The following HTR4 variants were observed in gnomAD, a reference collection of about 807,000 sequenced individuals.
HTR4 encodes the protein 5-hydroxytryptamine receptor 4, also known as 5-hydroxytryptamine (serotonin) receptor 4, G protein-coupled.
HTR4 carries 16 observed loss-of-function variants against 36.8 expected under a neutral mutation model. The ratio of observed to expected loss-of-function variants is 0.43; its 90% CI spans 0.29 to 0.66. HTR4 has a LOEUF of 0.66. Among genes scored for constraint, HTR4 ranks in the 30% least tolerant of loss-of-function variants. HTR4 has a pLI of 0.13. For synonymous variants in HTR4, 189 were observed against 185.1 expected (o/e 1.02, Z -0.17); for missense variants, 438 against 490.9 (o/e 0.89, Z 1.02).
At chr5:148,475,608 T>G (rs1755676472), downstream of HTR4, among the ~76,000 whole-genome samples, 1 of 152,220 alleles carries the variant, frequency 6.6e-6, no homozygotes, top group Non-Finnish European at 1.5e-5. Context: ...ATAGTCCTCT[T>G]AGCCTTTGCC....
intron 2 of HTR4, among the ~76,000 whole-genome samples, chr5:148,633,244 G>A (rs772573627): frequency 6.6e-6 from 1 of 152,064 alleles, no homozygotes; most frequent in Non-Finnish European, 1.5e-5. Flanking sequence ...TGCTTTCTCT[G>A]CTATGGAGAC....
intron 5 of HTR4, among the ~76,000 whole-genome samples, chr5:148,467,107 C>A (rs141563899): frequency 1.9e-4 from 29 of 152,308 alleles, no homozygotes; most frequent in African/African-American, 7.0e-4. Context: ...AGGATCCATT[C>A]ACTCAAATAG....
intron 4 of HTR4, among the ~76,000 whole-genome samples, chr5:148,525,746 T>C (rs1024481544): frequency 2.0e-5 from 3 of 152,236 alleles, no homozygotes; most frequent in African/African-American, 7.2e-5. Context: ...CTTAAGCTGG[T>C]GTCATGGGTT....
intron 4 of HTR4, among the ~76,000 whole-genome samples, chr5:148,536,213 C>A (rs1758817335): frequency 6.6e-6 from 1 of 152,102 alleles, no homozygotes; most frequent in Admixed American, 6.6e-5. Flanking sequence ...ACCAGACCTG[C>A]TTTACAAGAG....
At chr5:148,635,499 G>A (rs980003887) in intron 2 of HTR4, among the ~76,000 whole-genome samples, 6 of 152,102 alleles carry the variant, frequency 3.9e-5, no homozygotes, top group Non-Finnish European at 5.9e-5. Context: ...CAGCACCCAG[G>A]AGAATGGCTA....
intron 6 of HTR4, among the ~76,000 whole-genome samples, chr5:148,507,316 T>C (rs928876681): frequency 8.7e-5 from 12 of 137,974 alleles, no homozygotes; most frequent in African/African-American, 3.3e-4. Flanking sequence ...TAGGTGGGAA[T>C]TGAACAATAA....
chr5:148,570,224 C>G (rs1006550113), intron 2 of HTR4, among the ~76,000 whole-genome samples: 1 of 152,122 alleles, frequency 6.6e-6, no homozygotes, highest in African/African-American at 2.4e-5. Flanking sequence ...TCAACCATTC[C>G]TTCACCAACT....
intron 2 of HTR4, among the ~76,000 whole-genome samples, chr5:148,610,383 A>T (rs945565809): frequency 6.6e-6 from 1 of 152,220 alleles, no homozygotes; most frequent in Non-Finnish European, 1.5e-5. Context: ...ACCCCCGAGC[A>T]GCCTAACTGG....
intron 6 of HTR4, among the ~76,000 whole-genome samples, chr5:148,491,948 A>G (rs193193202): frequency 5.1e-4 from 77 of 152,282 alleles, no homozygotes; most frequent in African/African-American, 1.8e-3. Flanking sequence ...AATCTCTACA[A>G]GCAGAGCTCA....
intron 2 of HTR4, among the ~76,000 whole-genome samples, chr5:148,558,020 A>G (rs1760032201): frequency 6.6e-6 from 1 of 151,972 alleles, no homozygotes; most frequent in African/African-American, 2.4e-5. Context: ...TGTCATGTAC[A>G]CAAGAAATAT....
intron 2 of HTR4, among the ~76,000 whole-genome samples, chr5:148,597,890 TAGAA>T (rs1761842075): frequency 6.6e-6 from 1 of 152,202 alleles, no homozygotes; most frequent in African/African-American, 2.4e-5. Flanking sequence ...GACTGACACA[TAGAA>T]AGCATTCCAT....
downstream of HTR4, among the ~76,000 whole-genome samples, chr5:148,478,704 G>A (rs1312711125): frequency 1.3e-5 from 2 of 151,960 alleles, no homozygotes; most frequent in African/African-American, 4.8e-5. Context: ...TCCCCGTCCT[G>A]CTTGAATCTT....
chr5:148,598,091 C>T (rs1001414353), intron 2 of HTR4, among the ~76,000 whole-genome samples: 2 of 152,056 alleles, frequency 1.3e-5, no homozygotes, highest in African/African-American at 2.4e-5. Context: ...CATCAGTGAA[C>T]TCTGAGGGAA....
intron 5 of HTR4, among the ~76,000 whole-genome samples, chr5:148,468,489 T>C (rs1755487006): frequency 6.6e-6 from 1 of 152,168 alleles, no homozygotes; most frequent in African/African-American, 2.4e-5. Context: ...TATCCCACCA[T>C]AGGGATCCAT....
chr5:148,549,924 C>T (rs1561613271), intron 3 of HTR4, among the ~76,000 whole-genome samples: 2 of 152,106 alleles, frequency 1.3e-5, no homozygotes, highest in South Asian at 4.1e-4. Context: ...AAAAAAATGA[C>T]AGGATGGAAA....
At chr5:148,506,664 A>G (rs1428611534) in intron 6 of HTR4, among the ~76,000 whole-genome samples, 1 of 152,228 alleles carries the variant, frequency 6.6e-6, no homozygotes, top group East Asian at 1.9e-4. Flanking sequence ...AAAGAACTCA[A>G]ACAAATTTAC....
chr5:148,632,602 C>T (rs913416355), intron 2 of HTR4, among the ~76,000 whole-genome samples: 4 of 152,260 alleles, frequency 2.6e-5, no homozygotes, highest in Middle Eastern at 3.4e-3. Flanking sequence ...CTTGAGAAAC[C>T]TCCAAGTGCA....
intron 5 of HTR4, among the ~76,000 whole-genome samples, chr5:148,471,417 G>T (rs1755564920): frequency 6.6e-6 from 1 of 152,026 alleles, no homozygotes; most frequent in South Asian, 2.1e-4. Context: ...TCTGTATTTT[G>T]CATTTGAATC....
chr5:148,501,920 C>A (rs1400621085), intron 6 of HTR4, among the ~76,000 whole-genome samples: 1 of 152,004 alleles, frequency 6.6e-6, no homozygotes, highest in African/African-American at 2.4e-5. Context: ...ATTAGCCAGG[C>A]ATGGTGGCAG....
Sources: allele counts gnomAD v4.1 joint callset (sites outside exome capture counted in the v4.1 genomes callset), GRCh38; gene constraint gnomAD v4.1.1; transcripts MANE v1.5; gene names NCBI Gene and HGNC (gene_info 2026-07-23, HGNC 2026-07-21).